Variants in CD1B observed in about 807,000 individuals in gnomAD.
CD1B encodes T-cell surface glycoprotein CD1b.
CD1B carries 43 observed loss-of-function variants against 39.8 expected under a neutral mutation model. That is an observed-to-expected ratio of 1.08 (90% confidence interval 0.85 to 1.39). The LOEUF (loss-of-function observed/expected upper bound fraction) is 1.39, where lower values mean the gene tolerates loss of function less well. CD1B is among the 40% of genes most tolerant of loss of function. CD1B has a pLI of 0.00. For synonymous variants in CD1B, 192 were observed against 152.5 expected (o/e 1.26, Z -1.91); for missense variants, 495 against 403.8 (o/e 1.23, Z -1.94).
chr1:158,305,210 A>G, the CD1B span, among the ~76,000 whole-genome samples: 1 of 152,278 alleles, frequency 6.6e-6, no homozygotes, highest in African/African-American at 2.4e-5. Flanking sequence ...ATGAATGGCT[A>G]ACTAGAATAA....
the CD1B span, chr1:158,293,774 CT>C: frequency 1.7e-6 from 1 of 575,934 alleles, no homozygotes; most frequent in South Asian, 2.3e-5. Context: ...ACTTCCTACC[CT>C]GTGTTGCAGC....
chr1:158,319,111 T>G, the CD1B span, among the ~76,000 whole-genome samples: 5 of 151,364 alleles, frequency 3.3e-5, no homozygotes, highest in African/African-American at 1.2e-4. Context: ...TTCCTTCATT[T>G]CAACTTTGGT....
chr1:158,293,296 A>G, the CD1B span: 1 of 1,613,332 alleles, frequency 6.2e-7, no homozygotes, highest in Non-Finnish European at 8.5e-7. Flanking sequence ...TGGTTTAAGA[A>G]GCACTGGTGA....
At chr1:158,289,357 C>T in the CD1B span, among the ~76,000 whole-genome samples, 1 of 152,218 alleles carries the variant, frequency 6.6e-6, no homozygotes, top group South Asian at 2.1e-4. Flanking sequence ...AGAAGGGCTT[C>T]TTTATATTTG....
At chr1:158,297,987 A>T in the CD1B span, among the ~76,000 whole-genome samples, 1 of 151,596 alleles carries the variant, frequency 6.6e-6, no homozygotes, top group Non-Finnish European at 1.5e-5. Flanking sequence ...CCTGTAAGTT[A>T]TCTTCAAGAG....
chr1:158,292,707 G>A, the CD1B span: 19 of 1,614,040 alleles, frequency 1.2e-5, no homozygotes, highest in African/African-American at 4.0e-5. Flanking sequence ...ACATGGATGC[G>A]GAATGAACAG....
At chr1:158,313,074 T>C in the CD1B span, among the ~76,000 whole-genome samples, 2 of 152,184 alleles carry the variant, frequency 1.3e-5, no homozygotes, top group Admixed American at 1.3e-4. Flanking sequence ...TTGAATTCTA[T>C]CAAATGCTTT....
the CD1B span, among the ~76,000 whole-genome samples, chr1:158,303,494 A>G: frequency 6.6e-6 from 1 of 152,232 alleles, no homozygotes; most frequent in Non-Finnish European, 1.5e-5. Context: ...CTCTTTCTTC[A>G]GACAATATGA....
intron 2 of CD1B, 27 bp downstream of exon 2, chr1:158,330,769 C>A (rs1557822762): frequency 6.2e-7 from 1 of 1,611,876 alleles, no homozygotes; most frequent in African/African-American, 1.3e-5. Context: ...CCTTGAGACT[C>A]TTCCCAGTTC....
the CD1B span, chr1:158,292,649 T>C: frequency 6.2e-7 from 1 of 1,613,612 alleles, no homozygotes; most frequent in East Asian, 2.2e-5. Flanking sequence ...TGGCCAGCTG[T>C]TGCTGGTTTG....
the CD1B span, chr1:158,293,518 A>C: frequency 2.5e-6 from 4 of 1,614,030 alleles, no homozygotes; most frequent in East Asian, 4.5e-5. Context: ...AGAACCCAGC[A>C]ACCCAGGAGC....
the CD1B span, among the ~76,000 whole-genome samples, chr1:158,315,647 A>C: frequency 3.3e-5 from 5 of 151,052 alleles, no homozygotes; most frequent in Non-Finnish European, 5.9e-5. Context: ...GCTGTGCAGA[A>C]GCTCTTTAGT....
the CD1B span, chr1:158,292,577 C>A: frequency 6.2e-7 from 1 of 1,607,578 alleles, no homozygotes; most frequent in African/African-American, 1.3e-5. Context: ...CATCAGAACA[C>A]TTTTTCTGCT....
At chr1:158,288,154 A>T in the CD1B span, among the ~76,000 whole-genome samples, 1 of 152,228 alleles carries the variant, frequency 6.6e-6, no homozygotes, top group African/African-American at 2.4e-5. Context: ...CAAAGATAAC[A>T]CCTAGTGCTT....
At chr1:158,314,791 T>A in the CD1B span, among the ~76,000 whole-genome samples, 1 of 150,502 alleles carries the variant, frequency 6.6e-6, no homozygotes, top group Non-Finnish European at 1.5e-5. Context: ...TATCTCCCAA[T>A]GCTATCCCTA....
At chr1:158,314,195 CTGAT>C in the CD1B span, among the ~76,000 whole-genome samples, 2 of 152,134 alleles carry the variant, frequency 1.3e-5, no homozygotes, top group Non-Finnish European at 2.9e-5. Context: ...AGTGATTCTC[CTGAT>C]TCAGCCTCCC....
At chr1:158,290,622 A>T in the CD1B span, among the ~76,000 whole-genome samples, 1 of 152,146 alleles carries the variant, frequency 6.6e-6, no homozygotes, top group South Asian at 2.1e-4. Context: ...GGTTAAGGGA[A>T]GCAGATTGTC....
chr1:158,321,562 G>A, the CD1B span, among the ~76,000 whole-genome samples: 1 of 152,128 alleles, frequency 6.6e-6, no homozygotes, highest in East Asian at 1.9e-4. Context: ...TTCTTTCCTA[G>A]TTATTTTGTA....
At chr1:158,316,481 T>G in the CD1B span, among the ~76,000 whole-genome samples, 1 of 151,932 alleles carries the variant, frequency 6.6e-6, no homozygotes, top group South Asian at 2.1e-4. Context: ...TGTATAAGAA[T>G]GCTTGTGATT....
Sources: allele counts gnomAD v4.1 joint callset (sites outside exome capture counted in the v4.1 genomes callset), GRCh38; gene constraint gnomAD v4.1.1; transcripts MANE v1.5; gene names NCBI Gene and HGNC (gene_info 2026-07-23, HGNC 2026-07-21).